The following FGF12 variants were observed in gnomAD, a reference collection of about 807,000 sequenced individuals.
The protein encoded by FGF12 is fibroblast growth factor 12.
FGF12 carries 14 observed loss-of-function variants against 23.6 expected under a neutral mutation model. The ratio of observed to expected loss-of-function variants is 0.59; its 90% CI spans 0.39 to 0.93. The LOEUF (loss-of-function observed/expected upper bound fraction) is 0.93. Ranked by LOEUF, FGF12 falls within the 40% of genes least tolerant of loss-of-function variation. The pLI is 0.00. For missense variants in FGF12, 175 were observed against 217.8 expected (o/e 0.80, Z 1.24); for synonymous variants, 62 against 77.3 (o/e 0.80, Z 1.04).
At chr3:192,653,148 G>A (rs1716275048) in intron 2 of FGF12, among the ~76,000 whole-genome samples, 1 of 152,200 alleles carries the variant, frequency 6.6e-6, no homozygotes, top group African/African-American at 2.4e-5. Context: ...AGTTACAGAA[G>A]AGACGGTGGG....
chr3:192,610,068 T>A (rs1295625048), intron 2 of FGF12, among the ~76,000 whole-genome samples: 1 of 152,204 alleles, frequency 6.6e-6, no homozygotes, highest in South Asian at 2.1e-4. Flanking sequence ...TCCAATTTAT[T>A]GTGACAATTG....
In FGF12 at chr3:192,441,333, G is replaced by A. The variant is rs79069634; in HGVS notation, c.14-80795C>T. On this transcript the variant is annotated intron_variant, in intron 2 of 5. Transcript: ENST00000445105. ...AATCTTTGACTGGGGGAATCTGAGG[G>A]AGGATTTAGCCAGTAGAAAAAGTAT... 4.3e-3 allele frequency among the ~76,000 whole-genome samples: 650 copies of A among 152,240 alleles called. 5 individuals carry two copies. The highest frequency in any genetic ancestry group is 0.015 in the African/African-American group (625 of 41,548).
chr3:192,222,600 C>T (rs1223804209), intron 4 of FGF12, among the ~76,000 whole-genome samples: 5 of 152,136 alleles, frequency 3.3e-5, no homozygotes, highest in African/African-American at 1.2e-4. Context: ...ATATGTCTCT[C>T]CTCCACACTC....
At chr3:192,467,061 T>C (rs1723032002) in intron 2 of FGF12, among the ~76,000 whole-genome samples, 1 of 152,256 alleles carries the variant, frequency 6.6e-6, no homozygotes, top group Non-Finnish European at 1.5e-5. Flanking sequence ...TTAGGTTTTT[T>C]CTTAATTGTT....
intron 4 of FGF12, among the ~76,000 whole-genome samples, chr3:192,271,438 C>T (rs1486014331): frequency 1.3e-5 from 2 of 152,194 alleles, no homozygotes; most frequent in African/African-American, 4.8e-5. Flanking sequence ...TGAAACATTA[C>T]AATAGCAAGG....
At chr3:192,239,309 C>T (rs1719473114) in intron 4 of FGF12, among the ~76,000 whole-genome samples, 1 of 152,184 alleles carries the variant, frequency 6.6e-6, no homozygotes, top group African/African-American at 2.4e-5. Flanking sequence ...GTTTCCAGAA[C>T]TACTGATTTT....
chr3:192,456,506 T>G (rs1722685736), intron 2 of FGF12, among the ~76,000 whole-genome samples: 1 of 152,252 alleles, frequency 6.6e-6, no homozygotes, highest in South Asian at 2.1e-4. Flanking sequence ...AAAAAATTGA[T>G]GAATACATTT....
chr3:192,445,875 T>C (rs979738660), intron 2 of FGF12, among the ~76,000 whole-genome samples: 2 of 152,144 alleles, frequency 1.3e-5, no homozygotes, highest in Admixed American at 6.5e-5. Flanking sequence ...TCCTCTCCTC[T>C]GCCACTCAGG....
chr3:192,385,760 C>T (rs1446101048), intron 2 of FGF12, among the ~76,000 whole-genome samples: 1 of 152,192 alleles, frequency 6.6e-6, no homozygotes, highest in East Asian at 1.9e-4. Flanking sequence ...GGAAGTACAG[C>T]CAAGGAAGAC....
intron 4 of FGF12, among the ~76,000 whole-genome samples, chr3:192,215,209 C>T (rs773152685): frequency 1.3e-5 from 2 of 152,284 alleles, no homozygotes; most frequent in East Asian, 1.9e-4. Context: ...GGCTTTCCCT[C>T]GAAGGTGTTG....
At chr3:192,501,098 A>G (rs1724121400) in intron 2 of FGF12, among the ~76,000 whole-genome samples, 2 of 152,212 alleles carry the variant, frequency 1.3e-5, no homozygotes. Context: ...GTAAAGTTAG[A>G]TATAATTTAT....
intron 2 of FGF12, among the ~76,000 whole-genome samples, chr3:192,416,712 T>C (rs1456679609): frequency 6.6e-6 from 1 of 152,130 alleles, no homozygotes; most frequent in Non-Finnish European, 1.5e-5. Context: ...GTAATAAAAA[T>C]CCGTCACTCA....
At chr3:192,243,514 A>C (rs575120366) in intron 4 of FGF12, among the ~76,000 whole-genome samples, 1 of 143,876 alleles carries the variant, frequency 7.0e-6, no homozygotes, top group East Asian at 2.3e-4. Context: ...ATTGTGGTAA[A>C]ACATTAGGGC....
chr3:192,591,444 A>G (rs572373632), intron 2 of FGF12, among the ~76,000 whole-genome samples: 1 of 151,888 alleles, frequency 6.6e-6, no homozygotes, highest in Non-Finnish European at 1.5e-5. Context: ...TGTTTTTCCT[A>G]AAGGACTAAA....
In FGF12 at chr3:192,578,468, A is replaced by G. The variant is rs577454946; in HGVS notation, c.13+148713T>C. On this transcript the variant is annotated intron_variant, in intron 2 of 5. Transcript: ENST00000445105. Reference sequence around the variant, plus strand: ...TGTCTTTTAAGATAAAACAACAACAATAACAACAATGCATATATTCAAAAC... The same window carrying G: ...TGTCTTTTAAGATAAAACAACAACAGTAACAACAATGCATATATTCAAAAC... 3.2e-4 allele frequency among the ~76,000 whole-genome samples: 49 copies of G among 152,292 alleles called. 1 individual carries two copies. The South Asian group carries it at 0.01, about 32-fold the overall frequency.
intron 2 of FGF12, among the ~76,000 whole-genome samples, chr3:192,437,378 G>A (rs1383750164): frequency 2.0e-5 from 3 of 152,146 alleles, no homozygotes; most frequent in Non-Finnish European, 4.4e-5. Context: ...AAGGTTTAAG[G>A]AAGTCAGTGG....
At chr3:192,485,950 A>G (rs1723621598) in intron 2 of FGF12, among the ~76,000 whole-genome samples, 1 of 152,172 alleles carries the variant, frequency 6.6e-6, no homozygotes, top group African/African-American at 2.4e-5. Flanking sequence ...ACGCACTATA[A>G]ACAAGAGAAT....
intron 1 of FGF12, 26 bp downstream of exon 1, chr3:192,727,458 T>A: frequency 3.2e-5 from 26 of 805,644 alleles, no homozygotes; most frequent in Non-Finnish European, 4.1e-5. Flanking sequence ...CAGTGCCCGC[T>A]CAGATTTTTT....
chr3:192,470,007 AT>A (rs1723125415), intron 2 of FGF12, among the ~76,000 whole-genome samples: 1 of 152,168 alleles, frequency 6.6e-6, no homozygotes, highest in Non-Finnish European at 1.5e-5. Flanking sequence ...GGGAAAGAGT[AT>A]GACAAAATAA....
Sources: gnomAD v4.1 joint callset for allele counts (sites outside exome capture counted in the v4.1 genomes callset) on GRCh38, gnomAD v4.1.1 for gene constraint, MANE v1.5 for transcripts, NCBI Gene and HGNC (gene_info 2026-07-23, HGNC 2026-07-21) for gene names.